The following SMURF1 variants were observed in gnomAD, a reference collection of about 807,000 sequenced individuals.
SMURF1 encodes E3 ubiquitin-protein ligase SMURF1.
Under a neutral mutation model 98.0 loss-of-function variants are expected in SMURF1, and 44 were observed. The ratio of observed to expected loss-of-function variants is 0.45; its 90% CI spans 0.35 to 0.58. The LOEUF is 0.58. Ranked by LOEUF, SMURF1 falls within the 20% of genes least tolerant of loss-of-function variation. The probability of loss-of-function intolerance (pLI) is 0.00; values close to 1 mark genes in which losing one functional copy is unlikely to be tolerated. For missense variants in SMURF1, 687 were observed against 938.4 expected (o/e 0.73, Z 3.50); for synonymous variants, 396 against 374.9 (o/e 1.06, Z -0.65).
At chr7:99,065,339 C>T (rs71567517) in intron 1 of SMURF1, among the ~76,000 whole-genome samples, 5,704 of 152,234 alleles carry the variant, frequency 0.037, 146 homozygotes, top group Middle Eastern at 0.078. Flanking sequence ...CCACCAGCCT[C>T]GGCCTCCCAA....
intron 1 of SMURF1, among the ~76,000 whole-genome samples, chr7:99,088,272 A>T (rs1796728290): frequency 2.6e-5 from 4 of 151,846 alleles, no homozygotes; most frequent in Admixed American, 2.0e-4. Flanking sequence ...AAAAAAAAAA[A>T]TTAAAAAGAG....
At chr7:99,043,985 G>A (rs545929149) in intron 11 of SMURF1, among the ~76,000 whole-genome samples, 6 of 152,264 alleles carry the variant, frequency 3.9e-5, no homozygotes, top group African/African-American at 1.4e-4. Context: ...CAGGAGACAC[G>A]GGGGCTGTCA....
At chr7:99,121,384 A>G (rs1797618835) in intron 1 of SMURF1, among the ~76,000 whole-genome samples, 1 of 152,168 alleles carries the variant, frequency 6.6e-6, no homozygotes, top group Non-Finnish European at 1.5e-5. Context: ...TAAAATTAAG[A>G]TATTGTATAT....
At chr7:99,043,881 G>A (rs780862971) in intron 11 of SMURF1, among the ~76,000 whole-genome samples, 12 of 152,192 alleles carry the variant, frequency 7.9e-5, no homozygotes, top group Non-Finnish European at 1.3e-4. Context: ...GGACGCCCAG[G>A]ACAATGGACC....
rs1562996338 is a variant in SMURF1, at chr7:99,035,531, G to C, written c.1995C>G (p.Gly665=). 6.2e-7 allele frequency: 1 copy of C among 1,614,220 alleles called. No individual in the cohort carries two copies. The highest frequency in any genetic ancestry group is 1.7e-5 in the Admixed American group (1 of 60,024). Residue 665 remains glycine (G), a synonymous_variant, in exon 16 of 18, where the codon GGC becomes GGG. Transcript: ENST00000361368. ...VTGSTRVPLQ[G]FKALQGSTGA... is the part of the protein sequence containing the mutation. ...GTCAGTCACCTTGCAAAGCCTTGAA[G>C]CCTTGGAGCGGGACTCGCGTGGACC...
chr7:99,037,427 G>A (rs1380407986), intron 14 of SMURF1, among the ~76,000 whole-genome samples: 2 of 152,148 alleles, frequency 1.3e-5, no homozygotes, highest in Non-Finnish European at 2.9e-5. Context: ...TAGTGGAGAT[G>A]GGGTTTCACC....
At chr7:99,061,916 C>A in intron 1 of SMURF1, 79 bp from the exon 2 acceptor site, 1 of 1,019,232 alleles carries the variant, frequency 9.8e-7, no homozygotes, top group Non-Finnish European at 1.4e-6. Flanking sequence ...TACACCCGAA[C>A]AAAAAGACTC....
intron 16 of SMURF1, among the ~76,000 whole-genome samples, chr7:99,033,339 C>T (rs1490897563): frequency 6.6e-6 from 1 of 152,194 alleles, no homozygotes; most frequent in Non-Finnish European, 1.5e-5. Flanking sequence ...GAGACAGGGT[C>T]TCACTCTGTT....
chr7:99,101,147 G>A (rs1458975415), intron 1 of SMURF1, among the ~76,000 whole-genome samples: 2 of 152,152 alleles, frequency 1.3e-5, no homozygotes, highest in Admixed American at 6.5e-5. Context: ...GGGGGGGTAG[G>A]GAATAGTGAA....
intron 1 of SMURF1, among the ~76,000 whole-genome samples, chr7:99,122,244 C>G (rs1249928983): frequency 1.3e-4 from 20 of 151,410 alleles, no homozygotes; most frequent in Non-Finnish European, 2.9e-5. Context: ...AGGAGAATCG[C>G]TTGAACCCGG....
chr7:99,137,118 A>T (rs1049598935), intron 1 of SMURF1, among the ~76,000 whole-genome samples: 2 of 152,222 alleles, frequency 1.3e-5, no homozygotes, highest in African/African-American at 4.8e-5. Context: ...TTCCATGTTT[A>T]TTAACCGGTT....
At chr7:99,096,885 A>G (rs1030962226) in intron 1 of SMURF1, among the ~76,000 whole-genome samples, 3 of 152,224 alleles carry the variant, frequency 2.0e-5, no homozygotes, top group African/African-American at 7.2e-5. Flanking sequence ...GAACATTTAT[A>G]ATAGAAATCG....
At chr7:99,099,967 G>A (rs894290338) in intron 1 of SMURF1, among the ~76,000 whole-genome samples, 6 of 152,102 alleles carry the variant, frequency 3.9e-5, no homozygotes, top group Admixed American at 1.3e-4. Flanking sequence ...AACTCTAAAC[G>A]AACTAGGACA....
At chr7:99,117,794 T>C (rs1465158245) in intron 1 of SMURF1, among the ~76,000 whole-genome samples, 3 of 151,770 alleles carry the variant, frequency 2.0e-5, no homozygotes, top group Non-Finnish European at 4.4e-5. Context: ...ATCAAGAATA[T>C]ATATGCTGAG....
chr7:99,035,746 C>T (rs1366190331), intron 15 of SMURF1, 30 bp from the exon 16 acceptor site: 2 of 1,607,830 alleles, frequency 1.2e-6, no homozygotes, highest in East Asian at 4.5e-5. Context: ...TGAATTACTT[C>T]CAAAATGCAT....
chr7:99,134,206 T>C (rs1281532677), intron 1 of SMURF1, among the ~76,000 whole-genome samples: 1 of 151,316 alleles, frequency 6.6e-6, no homozygotes, highest in African/African-American at 2.4e-5. Flanking sequence ...ATTCTACTCC[T>C]GAGCAATTTG....
intron 10 of SMURF1, among the ~76,000 whole-genome samples, chr7:99,046,908 G>GC (rs1383735914): frequency 6.6e-6 from 1 of 152,050 alleles, no homozygotes; most frequent in Non-Finnish European, 1.5e-5. Flanking sequence ...CAACACTCAG[G>GC]CCCAGCCCTC....
chr7:99,121,186 C>T (rs528348505), intron 1 of SMURF1: 8 of 113,262 alleles, frequency 7.1e-5, no homozygotes, highest in South Asian at 2.8e-4. Flanking sequence ...CCAAATATGT[C>T]AATTTAGACC....
chr7:99,079,320 C>A (rs978382423), intron 1 of SMURF1, among the ~76,000 whole-genome samples: 1 of 152,198 alleles, frequency 6.6e-6, no homozygotes, highest in Non-Finnish European at 1.5e-5. Flanking sequence ...TCTGCGCAGG[C>A]TGGCAGGTGA....
Sources: gnomAD v4.1 joint callset for allele counts (sites outside exome capture counted in the v4.1 genomes callset) on GRCh38, gnomAD v4.1.1 for gene constraint, MANE v1.5 for transcripts, NCBI Gene and HGNC (gene_info 2026-07-23, HGNC 2026-07-21) for gene names.